GLT1D1: variants seen among roughly 807,000 people sequenced by gnomAD.
GLT1D1 encodes the protein glycosyltransferase 1 domain-containing protein 1.
A neutral mutation model predicts 28.7 loss-of-function variants in GLT1D1; 21 were observed. The ratio of observed to expected loss-of-function variants is 0.73; its 90% CI spans 0.52 to 1.05. The LOEUF is 1.05. Among genes scored for constraint, GLT1D1 ranks in the 50% least tolerant of loss-of-function variants. The pLI, the probability that GLT1D1 is intolerant of heterozygous loss-of-function variation, is 0.00. For missense variants in GLT1D1, 343 were observed against 330.6 expected, an observed-to-expected ratio of 1.04 and a Z score of -0.29; for synonymous variants, 147 against 124.8, an observed-to-expected ratio of 1.18 and a Z score of -1.19.
At position 128,984,358 on chromosome 12, in the gene GLT1D1, A is replaced by G. The variant is rs952164354; in HGVS notation, c.*1268A>G. ...TCATTTTTTTAATGGCACAACCTAC[A>G]TCTTGTTTTTAAAAGAAGTAGCCTC... On this transcript the variant is annotated 3_prime_UTR_variant, in exon 8 of 8. Transcript: ENST00000281703. 1 of 151,682 alleles carries G rather than the reference A, an allele frequency of 6.6e-6. No homozygotes were observed. The allele number at this position is 151,682 out of a possible 1,614,324, so 9.4% of individuals were successfully genotyped here.
At chr12:128,901,422 T>TTC (rs1169066905) in intron 4 of GLT1D1, among the ~76,000 whole-genome samples, 180 of 146,714 alleles carry the variant, frequency 1.2e-3, no homozygotes, top group Non-Finnish European at 1.1e-3. Flanking sequence ...GCCTGACCTT[T>TTC]TCTCTCTCTC....
intron 1 of GLT1D1, among the ~76,000 whole-genome samples, chr12:128,871,404 G>A (rs766100387): frequency 1.3e-5 from 2 of 152,078 alleles, no homozygotes; most frequent in Non-Finnish European, 2.9e-5. Context: ...CACAATGACT[G>A]GATCAAAATT....
chr12:128,892,696 T>C (rs545448420), intron 3 of GLT1D1, among the ~76,000 whole-genome samples: 2 of 152,182 alleles, frequency 1.3e-5, no homozygotes, highest in African/African-American at 2.4e-5. Context: ...TTATAATGAG[T>C]ATTTCATTTT....
intron 4 of GLT1D1, 64 bp from the exon 8 acceptor site, chr12:128,927,041 T>C (rs1340609360): frequency 9.1e-7 from 1 of 1,093,246 alleles, no homozygotes; most frequent in East Asian, 2.6e-5. Context: ...TGAAGTTAGT[T>C]GTGCTTGCAG....
intron 7 of GLT1D1, among the ~76,000 whole-genome samples, chr12:128,972,269 C>T (rs957715151): frequency 2.6e-5 from 4 of 152,256 alleles, no homozygotes; most frequent in South Asian, 2.1e-4. Context: ...ACCGCCCATG[C>T]GGTCACTCAG....
At chr12:128,904,566 G>A (rs868662444) in intron 4 of GLT1D1, among the ~76,000 whole-genome samples, 3 of 151,450 alleles carry the variant, frequency 2.0e-5, no homozygotes, top group Admixed American at 6.6e-5. Context: ...GGCACAGTTG[G>A]GGACACAGCC....
At chr12:128,962,267 C>T (rs1593195254) in intron 7 of GLT1D1, among the ~76,000 whole-genome samples, 1 of 152,390 alleles carries the variant, frequency 6.6e-6, no homozygotes, top group East Asian at 1.9e-4. Flanking sequence ...GTCAACTGTT[C>T]TCCTAGCTGC....
At chr12:128,879,792 A>G (rs1352156765) in intron 2 of GLT1D1, among the ~76,000 whole-genome samples, 1 of 152,200 alleles carries the variant, frequency 6.6e-6, no homozygotes, top group Non-Finnish European at 1.5e-5. Flanking sequence ...TTTTACACAC[A>G]TATGTGGAAC....
chr12:128,876,389 A>G (rs1004405273), intron 2 of GLT1D1, among the ~76,000 whole-genome samples: 4 of 151,976 alleles, frequency 2.6e-5, no homozygotes, highest in Admixed American at 1.3e-4. Context: ...GCTCGCTGCA[A>G]CCTCCGCTTC....
intron 1 of GLT1D1, among the ~76,000 whole-genome samples, chr12:128,858,038 G>A (rs568700): frequency 0.66 from 100,767 of 152,036 alleles, 36,699 homozygotes; most frequent in South Asian, 0.83. Context: ...TTTTCATAAT[G>A]AGGATGCCAA....
At chr12:128,903,090 C>G (rs958886400) in intron 4 of GLT1D1, among the ~76,000 whole-genome samples, 2 of 151,568 alleles carry the variant, frequency 1.3e-5, no homozygotes, top group African/African-American at 2.4e-5. Flanking sequence ...ATTCATTGCC[C>G]TTTTCTCTAA....
chr12:128,966,586 T>A (rs776110705), intron 7 of GLT1D1, among the ~76,000 whole-genome samples: 1 of 152,070 alleles, frequency 6.6e-6, no homozygotes, highest in Non-Finnish European at 1.5e-5. Flanking sequence ...TGAGGCCTCA[T>A]CTGGGGGGTT....
intron 7 of GLT1D1, among the ~76,000 whole-genome samples, chr12:128,973,348 A>ATTTTTTTTTTTTTTTTTTTT (rs369304204): frequency 8.4e-6 from 1 of 118,870 alleles, no homozygotes; most frequent in Non-Finnish European, 1.7e-5. Context: ...ACACCTGGCT[A>ATTTTTTTTTTTTTTTTTTTT]TTTTTTTTTT....
intron 4 of GLT1D1, among the ~76,000 whole-genome samples, chr12:128,917,423 G>A (rs972237644): frequency 1.3e-5 from 2 of 151,964 alleles, no homozygotes; most frequent in Admixed American, 6.6e-5. Flanking sequence ...TTACAGGCAC[G>A]CCCCACCACA....
At chr12:128,975,313 C>T (rs1419824628) in intron 7 of GLT1D1, among the ~76,000 whole-genome samples, 1 of 152,146 alleles carries the variant, frequency 6.6e-6, no homozygotes, top group South Asian at 2.1e-4. Flanking sequence ...AGAGTCCCCA[C>T]CCTACCACCT....
chr12:128,877,893 G>T (rs996672301), intron 2 of GLT1D1, among the ~76,000 whole-genome samples: 1 of 152,206 alleles, frequency 6.6e-6, no homozygotes, highest in Non-Finnish European at 1.5e-5. Context: ...GGGGCTTGCT[G>T]ATGTGCATCC....
chr12:128,956,950 C>T (rs984414045), intron 6 of GLT1D1, among the ~76,000 whole-genome samples: 11 of 152,204 alleles, frequency 7.2e-5, no homozygotes, highest in Non-Finnish European at 4.4e-5. Flanking sequence ...TCCGGGCAGG[C>T]GAGGCCAGGG....
At chr12:128,965,252 G>A (rs1878336722) in intron 7 of GLT1D1, among the ~76,000 whole-genome samples, 1 of 152,210 alleles carries the variant, frequency 6.6e-6, no homozygotes, top group Admixed American at 6.5e-5. Context: ...ACCTGTGGAG[G>A]GATCCACATG....
chr12:128,961,104 T>G (rs900427556), intron 7 of GLT1D1, among the ~76,000 whole-genome samples: 36 of 152,362 alleles, frequency 2.4e-4, no homozygotes, highest in African/African-American at 8.4e-4. Context: ...CCTATTCTTT[T>G]CATTTTGTGA....
Sources: allele counts gnomAD v4.1 joint callset (sites outside exome capture counted in the v4.1 genomes callset), GRCh38; gene constraint gnomAD v4.1.1; transcripts MANE v1.5; gene names NCBI Gene and HGNC (gene_info 2026-07-23, HGNC 2026-07-21).